The following SASH1 variants were observed in gnomAD, a reference collection of about 807,000 sequenced individuals.
SASH1 encodes SAM and SH3 domain-containing protein 1.
A neutral mutation model predicts 125.2 loss-of-function variants in SASH1; 44 were observed. That is an observed-to-expected ratio of 0.35 (90% CI 0.28 to 0.45). The LOEUF (loss-of-function observed/expected upper bound fraction) is 0.45, where lower values mean the gene tolerates loss of function less well. SASH1 is among the 20% of genes least tolerant of loss of function. The pLI is 1.00. For synonymous variants in SASH1, 639 were observed against 649.1 expected (o/e 0.98, Z 0.24); for missense variants, 1,426 against 1,614.5 (o/e 0.88, Z 2.00).
At chr6:148,497,254 G>A (rs1469863125) in intron 8 of SASH1, among the ~76,000 whole-genome samples, 7 of 152,196 alleles carry the variant, frequency 4.6e-5, no homozygotes, top group Non-Finnish European at 1.0e-4. Context: ...AGCTGCCCAG[G>A]AGCCATTGCT....
the SASH1 span, among the ~76,000 whole-genome samples, chr6:148,235,668 T>G: frequency 2.6e-5 from 4 of 152,166 alleles, no homozygotes; most frequent in Admixed American, 6.5e-5. Flanking sequence ...GCCCACTTAC[T>G]CACAGGGACC....
chr6:148,525,238 C>A, intron 10 of SASH1, 53 bp from the exon 11 acceptor site: 1 of 1,409,908 alleles, frequency 7.1e-7, no homozygotes, highest in Non-Finnish European at 1.0e-6. Context: ...TGGTGCACTG[C>A]CGGCTGGCTT....
intron 2 of SASH1, among the ~76,000 whole-genome samples, chr6:148,439,550 G>T (rs58922421): frequency 0.21 from 32,099 of 151,988 alleles, 3,951 homozygotes; most frequent in African/African-American, 0.34. Flanking sequence ...AAGCTGAGGG[G>T]GGCGGATCAT....
the SASH1 span, among the ~76,000 whole-genome samples, chr6:148,247,320 T>C: frequency 3.9e-5 from 6 of 152,310 alleles, no homozygotes; most frequent in East Asian, 1.2e-3. Context: ...ATAAGAAGGC[T>C]TCTTGGTAAG....
At chr6:148,301,211 A>C (rs1001571298) in intron 1 of SASH1, among the ~76,000 whole-genome samples, 6 of 150,718 alleles carry the variant, frequency 4.0e-5, no homozygotes, top group African/African-American at 1.5e-4. Flanking sequence ...CTGTAATCCC[A>C]GCTACTCAGG....
intron 1 of SASH1, among the ~76,000 whole-genome samples, chr6:148,388,137 A>C (rs1330583849): frequency 1.3e-5 from 2 of 151,388 alleles, no homozygotes; most frequent in African/African-American, 4.9e-5. Flanking sequence ...CTGGTCTCGA[A>C]CTCCTGACCG....
intron 8 of SASH1, among the ~76,000 whole-genome samples, chr6:148,491,338 C>T (rs62432329): frequency 0.044 from 6,735 of 152,250 alleles, 192 homozygotes; most frequent in Admixed American, 0.071. Context: ...GGCATGATCT[C>T]GGCTCACTGC....
intron 1 of SASH1, among the ~76,000 whole-genome samples, chr6:148,317,250 G>A (rs530512795): frequency 6.6e-6 from 1 of 152,162 alleles, no homozygotes; most frequent in Non-Finnish European, 1.5e-5. Context: ...ACCCTTGCAT[G>A]CGTAAGCCAG....
At chr6:148,464,607 C>T (rs1490133021) in intron 4 of SASH1, among the ~76,000 whole-genome samples, 16 of 152,152 alleles carry the variant, frequency 1.1e-4, no homozygotes, top group Admixed American at 9.8e-4. Context: ...CTGCCATCCA[C>T]TTTTGGACTT....
At chr6:148,358,460 GGGGAGGGAATA>G (rs1331399278) in intron 1 of SASH1, among the ~76,000 whole-genome samples, 3 of 152,162 alleles carry the variant, frequency 2.0e-5, no homozygotes, top group Admixed American at 2.0e-4. Context: ...AAATGAATGA[GGGGAGGGAATA>G]GTGACACACT....
At chr6:148,500,374 G>A (rs1306154118) in intron 8 of SASH1, among the ~76,000 whole-genome samples, 1 of 152,168 alleles carries the variant, frequency 6.6e-6, no homozygotes, top group Non-Finnish European at 1.5e-5. Context: ...AAACTGTGTT[G>A]AATGTGCCGT....
intron 4 of SASH1, among the ~76,000 whole-genome samples, chr6:148,460,819 A>G (rs745520699): frequency 2.2e-4 from 34 of 152,334 alleles, no homozygotes; most frequent in Admixed American, 9.8e-4. Context: ...AATTGCTTTT[A>G]TAAAGTGGCA....
chr6:148,508,909 A>C, intron 8 of SASH1: 1 of 1,199,860 alleles, frequency 8.3e-7, no homozygotes. Flanking sequence ...ATGGGAAAGA[A>C]AGAATGTGTT....
At chr6:148,379,581 A>C (rs112506812) in intron 1 of SASH1, among the ~76,000 whole-genome samples, 3 of 152,274 alleles carry the variant, frequency 2.0e-5, no homozygotes, top group African/African-American at 7.2e-5. Context: ...GAGAGGGATC[A>C]ACTTTACTGC....
chr6:148,415,201 G>A (rs138951300), intron 2 of SASH1, among the ~76,000 whole-genome samples: 2 of 152,154 alleles, frequency 1.3e-5, no homozygotes, highest in African/African-American at 2.4e-5. Context: ...ATTGGTGTGT[G>A]CATGCCAGCT....
chr6:148,224,604 G>T, the SASH1 span, among the ~76,000 whole-genome samples: 1 of 151,970 alleles, frequency 6.6e-6, no homozygotes, highest in East Asian at 1.9e-4. Context: ...CAAGTGATCC[G>T]TTCTCCTGGG....
intron 10 of SASH1, chr6:148,524,985 C>T (rs1781050319): frequency 3.0e-6 from 1 of 335,234 alleles, no homozygotes; most frequent in Non-Finnish European, 5.6e-6. Context: ...CAGCACTGGA[C>T]TCATGGAGGG....
chr6:148,503,577 G>T (rs1204017015), intron 8 of SASH1, among the ~76,000 whole-genome samples: 1 of 152,138 alleles, frequency 6.6e-6, no homozygotes, highest in African/African-American at 2.4e-5. Flanking sequence ...TGCACACCAG[G>T]GGCCTGGGGT....
intron 1 of SASH1, among the ~76,000 whole-genome samples, chr6:148,285,276 A>G (rs1779453072): frequency 6.6e-6 from 1 of 152,262 alleles, no homozygotes; most frequent in Non-Finnish European, 1.5e-5. Context: ...CCAACCTCCA[A>G]TACTTGCCAT....
Sources: allele counts gnomAD v4.1 joint callset (sites outside exome capture counted in the v4.1 genomes callset), GRCh38; gene constraint gnomAD v4.1.1; transcripts MANE v1.5; gene names NCBI Gene and HGNC (gene_info 2026-07-23, HGNC 2026-07-21).